Variants in ANO4 observed in about 807,000 individuals in gnomAD.
The protein encoded by ANO4 is anoctamin-4.
In ANO4, 69 loss-of-function variants were observed where a neutral mutation model predicts 141.9. That is an observed-to-expected ratio of 0.49 (90% CI 0.40 to 0.59). The LOEUF is 0.59. Among genes scored for constraint, ANO4 ranks in the 20% least tolerant of loss-of-function variants. The probability of loss-of-function intolerance (pLI) is 0.00; values close to 1 mark genes in which losing one functional copy is unlikely to be tolerated. For synonymous variants in ANO4, 350 were observed against 394.3 expected, an observed-to-expected ratio of 0.89 and a Z score of 1.33; for missense variants, 894 against 1,162.2, an observed-to-expected ratio of 0.77 and a Z score of 3.36.
At chr12:101,019,029 A>G (rs2046417767) in intron 8 of ANO4, among the ~76,000 whole-genome samples, 1 of 152,066 alleles carries the variant, frequency 6.6e-6, no homozygotes, top group African/African-American at 2.4e-5. Context: ...CAAAGGAAGG[A>G]GTAACTGAAT....
intron 2 of ANO4, among the ~76,000 whole-genome samples, chr12:100,904,567 G>A (rs181760071): frequency 3.5e-3 from 539 of 152,172 alleles, no homozygotes; most frequent in Middle Eastern, 0.014. Flanking sequence ...AGGTTGTAGG[G>A]TAAAAGTGGG....
intron 3 of ANO4, among the ~76,000 whole-genome samples, chr12:100,766,446 T>A (rs1373576488): frequency 6.6e-6 from 1 of 152,178 alleles, no homozygotes; most frequent in Non-Finnish European, 1.5e-5. Flanking sequence ...GTGTTTCCAT[T>A]TACATTTGTC....
intron 5 of ANO4, among the ~76,000 whole-genome samples, chr12:100,954,687 T>C (rs1011290392): frequency 3.3e-5 from 5 of 152,178 alleles, no homozygotes; most frequent in South Asian, 2.1e-4. Context: ...AATACCCAGA[T>C]GGTTTAAAAG....
chr12:100,846,598 G>C (rs1268063432), intron 1 of ANO4, among the ~76,000 whole-genome samples: 1 of 151,976 alleles, frequency 6.6e-6, no homozygotes, highest in Non-Finnish European at 1.5e-5. Flanking sequence ...GCTCTGACTT[G>C]GTGACCTTGG....
intron 2 of ANO4, among the ~76,000 whole-genome samples, chr12:100,915,354 C>A (rs996298338): frequency 6.6e-6 from 1 of 152,068 alleles, no homozygotes; most frequent in Non-Finnish European, 1.5e-5. Context: ...ATTAAGTATA[C>A]CTCTCAGGAC....
chr12:100,762,010 T>C (rs928881335), intron 3 of ANO4, among the ~76,000 whole-genome samples: 5 of 152,172 alleles, frequency 3.3e-5, no homozygotes, highest in Non-Finnish European at 5.9e-5. Flanking sequence ...TTGCCTCTCC[T>C]TCACTGAGCA....
At chr12:101,098,810 T>G (rs540697108) in intron 21 of ANO4, among the ~76,000 whole-genome samples, 84 of 152,286 alleles carry the variant, frequency 5.5e-4, no homozygotes, top group Non-Finnish European at 1.1e-3. Flanking sequence ...TAGAGCAAAA[T>G]TGTAAAGTAG....
At chr12:100,771,618 T>C (rs1340809414) in intron 3 of ANO4, among the ~76,000 whole-genome samples, 1 of 152,000 alleles carries the variant, frequency 6.6e-6, no homozygotes, top group Non-Finnish European at 1.5e-5. Flanking sequence ...ACCCAGGGGC[T>C]AGGAGAAGGG....
rs1342570761 is a variant in ANO4, at chr12:100,852,177, A to AT, written c.-140-49469_-140-49468insT. ...GTCCAGGCACAGGGATCCTATGTAT[A>AT]CCCTCCTTCCTTTTGAAATTTGTGC... On this transcript the variant is annotated intron_variant, in intron 1 of 27. Coordinates refer to ENST00000392977, the MANE Select transcript of ANO4 (RefSeq NM_001286615.2). Among the ~76,000 whole-genome samples, 51 of 152,230 alleles carry AT rather than the reference A, an allele frequency of 3.4e-4. 1 individual carries two copies. Among genetic ancestry groups the AT allele is most frequent in the African/African-American group, 1.2e-3 (48 of 41,518 alleles).
chr12:100,898,631 T>TA lies in ANO4; in HGVS notation c.-140-3008dup, dbSNP rs533680546. 2.4e-4 allele frequency among the ~76,000 whole-genome samples: 36 copies of TA among 152,322 alleles called. No homozygotes were observed. The East Asian group carries it at 5.8e-3, about 24-fold the overall frequency. ...AAACACAATTTCAAGTTATATATTT[T>TA]AAAAAAATGCCATTTATTTCCATGA... On this transcript the variant is annotated intron_variant, in intron 1 of 27. Coordinates refer to ENST00000392977, the MANE Select transcript of ANO4 (RefSeq NM_001286615.2).
chr12:100,732,682 G>T (rs1015141099), intron 1 of ANO4, among the ~76,000 whole-genome samples: 4 of 151,970 alleles, frequency 2.6e-5, no homozygotes, highest in African/African-American at 4.8e-5. Context: ...TAAATTTTGT[G>T]TTCCTGCAAT....
chr12:100,772,705 C>G (rs1392505285), intron 3 of ANO4, among the ~76,000 whole-genome samples: 2 of 152,208 alleles, frequency 1.3e-5, no homozygotes, highest in African/African-American at 2.4e-5. Context: ...AAGGAAAAAT[C>G]ATATTGCCAT....
chr12:101,033,440 A>G (rs539175184), intron 9 of ANO4, among the ~76,000 whole-genome samples: 5 of 152,248 alleles, frequency 3.3e-5, no homozygotes, highest in Admixed American at 2.6e-4. Context: ...CACAATGTGC[A>G]CATGTACCCT....
In ANO4 at chr12:100,900,939, A is replaced by C. The variant is rs150000012; in HGVS notation, c.-140-707A>C. Among the ~76,000 whole-genome samples the C allele has an allele frequency of 1.4e-3, 211 of 152,298 alleles. 1 individual carries two copies. Among genetic ancestry groups the C allele is most frequent in the Non-Finnish European group, 2.4e-3 (164 of 68,026 alleles). On this transcript the variant is annotated intron_variant, in intron 1 of 27. Coordinates refer to ENST00000392977, the MANE Select transcript of ANO4 (RefSeq NM_001286615.2). ...AGTGTTTTAAAAAGATACACATTGA[A>C]CTCAGCCTTTCTTTATACAGTTGAT... is the stretch of plus-strand genomic sequence containing the variant.
At chr12:101,087,288 C>G (rs1167108731) in intron 17 of ANO4, among the ~76,000 whole-genome samples, 1 of 151,688 alleles carries the variant, frequency 6.6e-6, no homozygotes, top group Non-Finnish European at 1.5e-5. Flanking sequence ...GATGCTGAGG[C>G]CAGAGGATCG....
chr12:100,885,966 A>G (rs928618790), intron 1 of ANO4, among the ~76,000 whole-genome samples: 2 of 152,210 alleles, frequency 1.3e-5, no homozygotes, highest in Non-Finnish European at 2.9e-5. Flanking sequence ...CTACCGAAAT[A>G]TTCCATCCGT....
At chr12:100,900,729 A>G (rs1355007851) in intron 1 of ANO4, among the ~76,000 whole-genome samples, 1 of 152,218 alleles carries the variant, frequency 6.6e-6, no homozygotes, top group Non-Finnish European at 1.5e-5. Flanking sequence ...CAAAAAATCC[A>G]AAATAATTTT....
At chr12:101,013,521 G>T (rs1249976795) in intron 8 of ANO4, among the ~76,000 whole-genome samples, 1 of 152,182 alleles carries the variant, frequency 6.6e-6, no homozygotes, top group Non-Finnish European at 1.5e-5. Flanking sequence ...ATCAAGGGGA[G>T]ATGCAGGGTT....
chr12:100,733,138 A>G (rs2031452256), intron 1 of ANO4, among the ~76,000 whole-genome samples: 1 of 152,132 alleles, frequency 6.6e-6, no homozygotes, highest in Non-Finnish European at 1.5e-5. Context: ...TGATCTTCCT[A>G]AAACAAAAAT....
Sources: gnomAD v4.1 joint callset for allele counts (sites outside exome capture counted in the v4.1 genomes callset) on GRCh38, gnomAD v4.1.1 for gene constraint, MANE v1.5 for transcripts, NCBI Gene and HGNC (gene_info 2026-07-23, HGNC 2026-07-21) for gene names.